The following FKBP8 variants were observed in gnomAD, a reference collection of about 807,000 sequenced individuals.
FKBP8 encodes FKBP prolyl isomerase 8, also known as peptidyl-prolyl cis-trans isomerase FKBP8.
FKBP8 carries 5 observed loss-of-function variants against 41.7 expected under a neutral mutation model. The observed-to-expected ratio is 0.12, with a 90% CI of 0.06 to 0.25. The LOEUF (loss-of-function observed/expected upper bound fraction) is 0.25, where lower values mean the gene tolerates loss of function less well. Among genes scored for constraint, FKBP8 ranks in the 10% least tolerant of loss-of-function variants. The pLI is 1.00. For missense variants in FKBP8, 397 were observed against 563.0 expected, an observed-to-expected ratio of 0.71 and a Z score of 2.98; for synonymous variants, 279 against 254.5, an observed-to-expected ratio of 1.10 and a Z score of -0.92.
rs1600539960 is a variant in FKBP8 at position 18,541,613 on chromosome 19, G to A, written c.292+66C>T. The A allele has an allele frequency of 3.2e-6, 5 of 1,542,006 alleles. No individual in the cohort carries two copies. The African/African-American group carries it at 4.1e-5, about 13-fold the overall frequency. On this transcript the variant is annotated intron_variant, in intron 2 of 8. Coordinates refer to ENST00000608443, the MANE Select transcript of FKBP8 (RefSeq NM_012181.5). ...CTTCCAACCCTCACAGCACAGATGG[G>A]GAAATGAGGCTCAGGGGACGAGAGG...
At chr19:18,534,375 C>A (rs563080836) in intron 6 of FKBP8, among the ~76,000 whole-genome samples, 1 of 152,310 alleles carries the variant, frequency 6.6e-6, no homozygotes, top group African/African-American at 2.4e-5. Flanking sequence ...AAATGGAGCT[C>A]TGGCAACATC....
At chr19:18,539,755 G>T in intron 2 of FKBP8, 35 bp from the exon 3 acceptor site, 1 of 1,599,348 alleles carries the variant, frequency 6.3e-7, no homozygotes. Context: ...CCTGTCACCT[G>T]GCAGCTCAAA....
intron 1 of FKBP8, chr19:18,542,936 GCCCCCAC>G: frequency 8.9e-7 from 1 of 1,118,142 alleles, no homozygotes; most frequent in Non-Finnish European, 1.1e-6. Flanking sequence ...GACCCTCCCA[GCCCCCAC>G]CCCCATAATT....
At chr19:18,532,943 G>T in intron 7 of FKBP8, 148 bp from the exon 8 acceptor site, 1 of 1,328,728 alleles carries the variant, frequency 7.5e-7, no homozygotes, top group East Asian at 2.5e-5. Flanking sequence ...AGCAAAGTCA[G>T]GGCTGCTGAC....
At position 18,543,499 on chromosome 19, in the gene FKBP8, A is replaced by T. The variant is rs992957834; in HGVS notation, c.-39T>A. 1.4e-5 allele frequency: 2 copies of T among 146,222 alleles called. No individual in the cohort carries two copies. The highest frequency in any genetic ancestry group is 3.0e-5 in the Non-Finnish European group (2 of 66,534). 9.1% of individuals were successfully genotyped at this position (146,222 alleles called of 1,614,324 possible). Reference sequence around the variant, plus strand: ...CAGGACACTTGCCTCTGGCTCCGGGACCCCCACTTGGGGTCCTGCGCCCCC... The same window carrying T: ...CAGGACACTTGCCTCTGGCTCCGGGTCCCCCACTTGGGGTCCTGCGCCCCC... On this transcript the variant is annotated 5_prime_UTR_variant, in exon 1 of 9. Coordinates refer to ENST00000608443, the MANE Select transcript of FKBP8 (RefSeq NM_012181.5).
At position 18,537,526 on chromosome 19, in the gene FKBP8, C is replaced by A; in HGVS notation, c.945+75G>T. On this transcript the variant is annotated intron_variant, in intron 6 of 8. Coordinates refer to ENST00000608443, the MANE Select transcript of FKBP8 (RefSeq NM_012181.5). This position sits in a 1 kb window ranked among gnomAD's most constrained non-coding sequence, Gnocchi z 4.4. ...AGCTGGCTTATATACCTATGCCTTTCTCAAATGCAGGGTTGGGGACCACCC... is the reference window on the plus strand; with the variant it reads ...AGCTGGCTTATATACCTATGCCTTTATCAAATGCAGGGTTGGGGACCACCC... The A allele has an allele frequency of 2.8e-6, 4 of 1,407,670 alleles. No homozygotes were observed. The highest frequency in any genetic ancestry group is 3.8e-6 in the Non-Finnish European group (4 of 1,059,900). The allele number at this position is 1,407,670 out of a possible 1,614,324, so 87.2% of individuals were successfully genotyped here.
intron 2 of FKBP8, among the ~76,000 whole-genome samples, chr19:18,540,324 C>T (rs1330638367): frequency 2.0e-5 from 3 of 152,124 alleles, no homozygotes; most frequent in Non-Finnish European, 4.4e-5. Flanking sequence ...GCAAAGGACA[C>T]ACATGGTGGC....
chr19:18,539,487 C>T (rs1402188284), intron 3 of FKBP8, 28 bp from the exon 4 acceptor site: 1 of 1,612,170 alleles, frequency 6.2e-7, no homozygotes, highest in Non-Finnish European at 8.5e-7. Flanking sequence ...AGCCAGCTGT[C>T]AGGCAGACTC....
Position 18,541,912 on chromosome 19 carries a change from G to A in FKBP8, c.59C>T (p.Pro20Leu), listed in dbSNP as rs376029668. 1.2e-4 allele frequency: 197 copies of A among 1,613,946 alleles called. No homozygotes were observed. Among genetic ancestry groups the A allele is most frequent in the Non-Finnish European group, 1.6e-4 (187 of 1,179,984 alleles). ...PSAPLPAGVP[P>L]LEDFEVLDGV... ...ATCCAGTACCTCGAAGTCCTCGAGC[G>A]GTGGGACCCCGGCGGGCAGTGGGGC... The change falls in exon 2 of 9, where the codon CCG (proline) becomes CTG (leucine). Residue 20 changes from proline to leucine, a missense_variant. By Grantham distance (98) the Pro-to-Leu change is moderately conservative (BLOSUM62 -3). Coordinates refer to ENST00000608443, the MANE Select transcript of FKBP8 (RefSeq NM_012181.5).
At position 18,538,781 on chromosome 19, in the gene FKBP8, G is replaced by C. The variant is rs1162897459; in HGVS notation, c.552-345C>G. Among the ~76,000 whole-genome samples the C allele has an allele frequency of 6.7e-6, 1 of 150,282 alleles. No individual in the cohort carries two copies. The highest frequency in any genetic ancestry group is 2.1e-4 in the South Asian group (1 of 4,780). ...TCCTGCCTGAGCCTCCTCAGTAGCT[G>C]GGACTACAGGTGTGCACCACACCCA... On this transcript the variant is annotated intron_variant, in intron 4 of 8. Coordinates refer to ENST00000608443, the MANE Select transcript of FKBP8 (RefSeq NM_012181.5). This position sits in a 1 kb window ranked among gnomAD's most constrained non-coding sequence, Gnocchi z 4.0.
chr19:18,538,743 G>T lies in FKBP8; in HGVS notation c.552-307C>A, dbSNP rs1313756778. On this transcript the variant is annotated intron_variant, in intron 4 of 8. Coordinates refer to ENST00000608443, the MANE Select transcript of FKBP8 (RefSeq NM_012181.5). This position sits in a 1 kb window ranked among gnomAD's most constrained non-coding sequence, Gnocchi z 4.0. ...GCTCACTGCAGCCTCAAAAACGTGG[G>T]CTCAAGTGATCCTCCTGCCTGAGCC... is the stretch of plus-strand genomic sequence containing the variant. Among the ~76,000 whole-genome samples the T allele has an allele frequency of 1.3e-5, 2 of 151,696 alleles. No homozygotes were observed. Among genetic ancestry groups the T allele is most frequent in the Non-Finnish European group, 2.9e-5 (2 of 67,972 alleles).
At chr19:18,542,410 A>G (rs1976724488) in intron 1 of FKBP8, 1 of 184,172 alleles carries the variant, frequency 5.4e-6, no homozygotes, top group Non-Finnish European at 1.2e-5. Context: ...TTATAAGCTG[A>G]GCGAAGGGTG....
chr19:18,537,677 C>T lies in FKBP8; in HGVS notation c.869G>A (p.Arg290His), dbSNP rs753124091. 12 of 1,613,828 alleles carry T rather than the reference C, an allele frequency of 7.4e-6. No individual in the cohort carries two copies. The highest frequency in any genetic ancestry group is 3.3e-4 in the Middle Eastern group (2 of 6,056). The change falls in exon 6 of 9, where the codon CGC becomes CAC. Residue 290 changes from arginine to histidine, a missense_variant. Physicochemically the swap from Arg to His is conservative, Grantham distance 29 (BLOSUM62 0). Coordinates refer to ENST00000608443, the MANE Select transcript of FKBP8 (RefSeq NM_012181.5). This position sits in a 1 kb window ranked among gnomAD's most constrained non-coding sequence, Gnocchi z 4.4. Reference protein sequence around the residue: ...AASQLKLDHYRAALRSCSLVL... With the variant: ...AASQLKLDHYHAALRSCSLVL... ...AAGGCTGCAGGAGCGCAGGGCTGCGCGGTAGTGGTCGAGCTTCAGCTGCGA... is the reference window on the plus strand; with the variant it reads ...AAGGCTGCAGGAGCGCAGGGCTGCGTGGTAGTGGTCGAGCTTCAGCTGCGA...
rs943527226 is a variant in FKBP8 at position 18,531,988 on chromosome 19, C to T, written c.*181G>A. The T allele has an allele frequency of 3.3e-6, 2 of 612,576 alleles. No homozygotes were observed. The highest frequency in any genetic ancestry group is 3.7e-5 in the African/African-American group (2 of 53,952). 37.9% of individuals were successfully genotyped at this position (612,576 alleles called of 1,614,324 possible). ...GGAATGAGGGCCCCCTCCCTCTGGG[C>T]TTTCCTCCTAGAGGGCCTCAGTCCC... On this transcript the variant is annotated 3_prime_UTR_variant, in exon 9 of 9. Transcript: ENST00000608443.
Position 18,538,098 on chromosome 19 carries a change from C to T in FKBP8, c.772+118G>A, listed in dbSNP as rs1976620538. 7.1e-6 allele frequency: 8 copies of T among 1,121,422 alleles called. No homozygotes were observed. The highest frequency in any genetic ancestry group is 9.1e-6 in the Non-Finnish European group (7 of 773,244). 69.5% of individuals were successfully genotyped at this position (1,121,422 alleles called of 1,614,324 possible). ...AGCTTAGGGGCAGTTGGGGATCTAC[C>T]CATATTCTGGGCTATTCTAGAATAT... On this transcript the variant is annotated intron_variant, in intron 5 of 8. Coordinates refer to ENST00000608443, the MANE Select transcript of FKBP8 (RefSeq NM_012181.5). The surrounding 1 kb of genome is among the most constrained non-coding windows in gnomAD (Gnocchi z 4.0).
rs1568408593 is a variant in FKBP8 at position 18,533,192 on chromosome 19, C to A, written c.1023+78G>T. On this transcript the variant is annotated intron_variant, in intron 7 of 8. Transcript: ENST00000608443. Reference sequence around the variant, plus strand: ...CAGGTGGGAACACAACAGAGAGCCACAGCAAGAAAGACCTGGGGCAGACCG... The same window carrying A: ...CAGGTGGGAACACAACAGAGAGCCAAAGCAAGAAAGACCTGGGGCAGACCG... 13 of 1,360,244 alleles carry A rather than the reference C, an allele frequency of 9.6e-6. No individual in the cohort carries two copies. In the East Asian group the frequency reaches 3.3e-4, roughly 35 times the overall value. 84.3% of individuals were successfully genotyped at this position (1,360,244 alleles called of 1,614,324 possible). A position where few individuals can be genotyped will look rare whatever the true frequency, so the allele number is the denominator to read the frequency against.
Position 18,539,644 on chromosome 19 carries a change from G to C in FKBP8, c.369C>G (p.Val123=). Residue 123 remains valine, a synonymous_variant, in exon 3 of 9, where the codon GTC becomes GTG. Transcript: ENST00000608443. ...GSSRPVKGQV[V]TVHLQTSLEN... is the part of the protein sequence containing the mutation. ...CCAGCGACGTCTGCAGATGTACGGT[G>C]ACCACCTGGCCCTTGACCGGGCGGC... 1 of 1,612,548 alleles carries C rather than the reference G, an allele frequency of 6.2e-7. No homozygotes were observed. The highest frequency in any genetic ancestry group is 8.5e-7 in the Non-Finnish European group (1 of 1,180,036).
In FKBP8 at chr19:18,532,019, C is replaced by T; in HGVS notation, c.*150G>A. ...TCCTAGAGGGCCTCAGTCCCTCCTG[C>T]TGGCTGGGCTGCACGACCCCCAATC... On this transcript the variant is annotated 3_prime_UTR_variant, in exon 9 of 9. Transcript: ENST00000608443. 8.8e-6 allele frequency: 6 copies of T among 682,380 alleles called. No individual in the cohort carries two copies. The highest frequency in any genetic ancestry group is 1.5e-5 in the Non-Finnish European group (6 of 387,266). The allele number at this position is 682,380 out of a possible 1,614,324, so 42.3% of individuals were successfully genotyped here.
At position 18,537,959 on chromosome 19, in the gene FKBP8, T is replaced by A. The variant is rs1217821709; in HGVS notation, c.773-186A>T. ...ATGGAGACTTAAGCAAGCGAGGGCC[T>A]AGCCTGTGGTACATGTGAACTGGCC... On this transcript the variant is annotated intron_variant, in intron 5 of 8. Coordinates refer to ENST00000608443, the MANE Select transcript of FKBP8 (RefSeq NM_012181.5). The surrounding 1 kb of genome is among the most constrained non-coding windows in gnomAD (Gnocchi z 4.4). 2.9e-6 allele frequency: 2 copies of A among 693,878 alleles called. No homozygotes were observed. Among genetic ancestry groups the A allele is most frequent in the Non-Finnish European group, 4.7e-6 (2 of 421,852 alleles). The allele number at this position is 693,878 out of a possible 1,614,324, so 43.0% of individuals were successfully genotyped here. A position where few individuals can be genotyped will look rare whatever the true frequency, so the allele number is the denominator to read the frequency against.
Sources: allele counts gnomAD v4.1 joint callset (sites outside exome capture counted in the v4.1 genomes callset), GRCh38; gene constraint gnomAD v4.1.1; non-coding constraint Gnocchi (gnomAD v3.1); transcripts MANE v1.5; gene names NCBI Gene and HGNC (gene_info 2026-07-23, HGNC 2026-07-21).